STARD7: variants seen among roughly 807,000 people sequenced by gnomAD.
STARD7 encodes the protein StAR related lipid transfer domain containing 7.
A neutral mutation model predicts 45.3 loss-of-function variants in STARD7; 30 were observed. The observed-to-expected ratio is 0.66, with a 90% CI of 0.50 to 0.90. The LOEUF is 0.90. Ranked by LOEUF, STARD7 falls within the 40% of genes least tolerant of loss-of-function variation. The probability of loss-of-function intolerance (pLI) is 0.00; values close to 1 mark genes in which losing one functional copy is unlikely to be tolerated. For missense variants in STARD7, 495 were observed against 491.3 expected (o/e 1.01, Z -0.07); for synonymous variants, 199 against 183.0 (o/e 1.09, Z -0.70).
rs1428057165 is a variant in STARD7, at chr2:96,185,196, C to A, written c.*1534G>T. The A allele has an allele frequency of 6.6e-6, 1 of 152,622 alleles. No homozygotes were observed. The highest frequency in any genetic ancestry group is 1.5e-5 in the Non-Finnish European group (1 of 68,034). 9.5% of individuals were successfully genotyped at this position (152,622 alleles called of 1,614,324 possible). On this transcript the variant is annotated 3_prime_UTR_variant, in exon 8 of 8. Coordinates refer to ENST00000337288, the MANE Select transcript of STARD7 (RefSeq NM_020151.4). ...GAAAGAAGAAGTAATAAATGAAAAG[C>A]AGCTGGGACTGCTCGATGCATCTCT...
At chr2:96,208,067 C>T (rs1023117911) in intron 1 of STARD7, 78 bp downstream of exon 1, 44 of 1,382,332 alleles carry the variant, frequency 3.2e-5, no homozygotes, top group Non-Finnish European at 2.0e-5. Flanking sequence ...AAACAAGGGC[C>T]AACGACCACA....
Position 96,208,237 on chromosome 2 carries a change from G to T in STARD7, c.198C>A (p.His66Gln), listed in dbSNP as rs778095890. The T allele has an allele frequency of 6.2e-7, 1 of 1,612,204 alleles. No individual in the cohort carries two copies. The highest frequency in any genetic ancestry group is 1.3e-5 in the African/African-American group (1 of 74,896). ...AGGCAGAGGCATGGCCAGGACGGCC[G>T]TGCAGCCGGCGCCAGAGGCGGCCGA... ...VLLGRLWRRL[H>Q]GRPGHASALM... Residue 66 changes from histidine to glutamine, a missense_variant, in exon 1 of 8, where the codon CAC (histidine) becomes CAA (glutamine). Physicochemically the swap from His to Gln is conservative, Grantham distance 24. Around this residue, in one of 2 missense-constraint regions of STARD7, gnomAD observed 282 missense variants for 220.1 expected, o/e 1.28. Coordinates refer to ENST00000337288, the MANE Select transcript of STARD7 (RefSeq NM_020151.4).
chr2:96,186,676 T>A lies in STARD7; in HGVS notation c.*54A>T. 1 of 1,417,724 alleles carries A rather than the reference T, an allele frequency of 7.1e-7. No individual in the cohort carries two copies. 87.8% of individuals were successfully genotyped at this position (1,417,724 alleles called of 1,614,324 possible). On this transcript the variant is annotated 3_prime_UTR_variant, in exon 8 of 8. Transcript: ENST00000337288. ...ATGTCCCCCTTCTACAGCAGAGTGA[T>A]AACGGACTGAGACAGGGCTAGAAGC... is the stretch of plus-strand genomic sequence containing the variant.
In STARD7 at chr2:96,187,273, C is replaced by T; in HGVS notation, c.872G>A (p.Ser291Asn). The T allele has an allele frequency of 1.2e-6, 2 of 1,613,802 alleles. No homozygotes were observed. The highest frequency in any genetic ancestry group is 1.7e-6 in the Non-Finnish European group (2 of 1,179,748). ...AGGAAACACCGTTTGGGGATTGTCA[C>T]TGTATGTTAGTAAGTAGTCAAAGCC... ...ENGFDYLLTY[S>N]DNPQTVFPRY... The change falls in exon 7 of 8, where the codon AGT becomes AAT. Residue 291 changes from serine (S) to asparagine (N), a missense_variant. By Grantham distance (46) the Ser-to-Asn change is conservative. Around this residue, in one of 2 missense-constraint regions of STARD7, gnomAD observed 213 missense variants for 271.2 expected, o/e 0.79. Transcript: ENST00000337288.
rs1485910267 is a variant in STARD7 at position 96,208,248 on chromosome 2, G to A, written c.187C>T (p.Arg63Cys). The A allele has an allele frequency of 6.8e-6, 11 of 1,612,006 alleles. No individual in the cohort carries two copies. The highest frequency in any genetic ancestry group is 9.3e-6 in the Non-Finnish European group (11 of 1,179,524). Residue 63 changes from arginine (R) to cysteine (C), a missense_variant, in exon 1 of 8, where the codon CGC (arginine) becomes TGC (cysteine). By Grantham distance (180) the Arg-to-Cys change is radical. This residue lies in a region of STARD7 where 282 missense variants were observed against 220.1 expected (regional missense o/e 1.28). Transcript: ENST00000337288. ...SRRVLLGRLW[R>C]RLHGRPGHAS... The stretch of plus-strand genomic sequence containing the variant: ...TGGCCAGGACGGCCGTGCAGCCGGC[G>A]CCAGAGGCGGCCGAGGAGAACGCGG...
At chr2:96,197,665 T>A (rs1230472882) in intron 1 of STARD7, among the ~76,000 whole-genome samples, 1 of 152,190 alleles carries the variant, frequency 6.6e-6, no homozygotes, top group Non-Finnish European at 1.5e-5. Flanking sequence ...TGTGCAACCA[T>A]CACCCCTAAT....
chr2:96,207,028 G>GTTGT (rs1324419050), intron 1 of STARD7, among the ~76,000 whole-genome samples: 1 of 152,096 alleles, frequency 6.6e-6, no homozygotes, highest in African/African-American at 2.4e-5. Flanking sequence ...TGTGAATAAG[G>GTTGT]TTGTTTGTGG....
intron 1 of STARD7, among the ~76,000 whole-genome samples, chr2:96,197,530 T>C (rs1363252853): frequency 6.6e-5 from 10 of 152,262 alleles, no homozygotes; most frequent in Admixed American, 3.9e-4. Flanking sequence ...CGTTTTTTAT[T>C]GGGTTGTCTT....
At position 96,195,375 on chromosome 2, in the gene STARD7, G is replaced by T; in HGVS notation, c.465C>A (p.Arg155=). 1 of 1,589,662 alleles carries T rather than the reference G, an allele frequency of 6.3e-7. No individual in the cohort carries two copies. Among genetic ancestry groups the T allele is most frequent in the Non-Finnish European group, 8.6e-7 (1 of 1,167,792 alleles). Residue 155 remains arginine, a synonymous_variant, in exon 2 of 8, where the codon CGC becomes CGA. Coordinates refer to ENST00000337288, the MANE Select transcript of STARD7 (RefSeq NM_020151.4). ...GGTAAAGGTGGGTGCCTGTAATTGG[G>T]CGCCGCCACAGCTTAAAGTGTTTCT... The part of the protein sequence containing the change: ...MDKKHFKLWR[R]PITGTHLYQY...
chr2:96,205,062 AC>A (rs1164220710), intron 1 of STARD7, among the ~76,000 whole-genome samples: 1 of 152,158 alleles, frequency 6.6e-6, no homozygotes, highest in East Asian at 1.9e-4. Context: ...AAACATGACT[AC>A]TGTATTTTTC....
rs754438137 is a variant in STARD7 at position 96,208,368 on chromosome 2, G to A, written c.67C>T (p.Leu23=). The A allele has an allele frequency of 5.8e-6, 9 of 1,545,158 alleles. No individual in the cohort carries two copies. The Admixed American group carries it at 9.6e-5, about 17-fold the overall frequency. ...GTRGGGLLAL[L]ANQCRFVTGL... is the part of the protein sequence containing the mutation. ...GTGACGAAGCGGCACTGATTGGCCAGAAGCGCCAGCAGGCCCCCGCCCCGC... is the reference window on the plus strand; with the variant it reads ...GTGACGAAGCGGCACTGATTGGCCAAAAGCGCCAGCAGGCCCCCGCCCCGC... The change falls in exon 1 of 8, where the codon CTG becomes TTG. Residue 23 remains leucine (L), a synonymous_variant. Coordinates refer to ENST00000337288, the MANE Select transcript of STARD7 (RefSeq NM_020151.4).
Position 96,195,468 on chromosome 2 carries a change from T to C in STARD7, c.372A>G (p.Pro124=), listed in dbSNP as rs766726644. ...SSGVQHHPPE[P]KAQTEGNEDS... is the part of the protein sequence containing the mutation. ...CTTCATTCCCTTCTGTTTGGGCTTT[T>C]GGTTCTGGAGGGTGGTGCTGGACTC... The change falls in exon 2 of 8, where the codon CCA becomes CCG. Residue 124 remains proline, a synonymous_variant. Transcript: ENST00000337288. The C allele has an allele frequency of 6.2e-7, 1 of 1,613,844 alleles. No individual in the cohort carries two copies. The highest frequency in any genetic ancestry group is 1.3e-5 in the African/African-American group (1 of 75,050).
At chr2:96,190,612 A>T (rs1274394377) in intron 6 of STARD7, among the ~76,000 whole-genome samples, 3 of 152,002 alleles carry the variant, frequency 2.0e-5, no homozygotes, top group Non-Finnish European at 2.9e-5. Context: ...TGCTGGGATT[A>T]CAGGCGTGAG....
chr2:96,194,752 T>C (rs1277524282), intron 3 of STARD7, among the ~76,000 whole-genome samples: 1 of 152,192 alleles, frequency 6.6e-6, no homozygotes, highest in Non-Finnish European at 1.5e-5. Flanking sequence ...AACAGTCCTG[T>C]GGGAGGGTAA....
chr2:96,208,787 C>T lies in STARD7; in HGVS notation c.-353G>A. The T allele has an allele frequency of 2.5e-6, 1 of 403,758 alleles. No individual in the cohort carries two copies. Among genetic ancestry groups the T allele is most frequent in the Non-Finnish European group, 4.4e-6 (1 of 227,732 alleles). 25.0% of individuals were successfully genotyped at this position (403,758 alleles called of 1,614,324 possible). A position where few individuals can be genotyped will look rare whatever the true frequency, so the allele number is the denominator to read the frequency against. ...ACAGAAACGAGACAGACAGCTCAGG[C>T]CCAGCAGCACGCAAGCTCCCGCGCC... On this transcript the variant is annotated 5_prime_UTR_variant, in exon 1 of 8. Coordinates refer to ENST00000337288, the MANE Select transcript of STARD7 (RefSeq NM_020151.4).
At chr2:96,197,071 TAA>T (rs1304158961) in intron 1 of STARD7, among the ~76,000 whole-genome samples, 13 of 94,692 alleles carry the variant, frequency 1.4e-4, no homozygotes, top group Non-Finnish European at 2.0e-4. Context: ...CGTCTCAAAA[TAA>T]AATAAAATAA....
chr2:96,201,409 T>TAAAAAAAAAAAAAAAAAAAAAAAAA (rs60808208), intron 1 of STARD7, among the ~76,000 whole-genome samples: 2 of 109,618 alleles, frequency 1.8e-5, no homozygotes, highest in African/African-American at 7.2e-5. Context: ...ACTCCACCTC[T>TAAAAAAAAAAAAAAAAAAAAAAAAA]AAAAAAAAAA....
At chr2:96,202,851 A>C (rs940970186) in intron 1 of STARD7, among the ~76,000 whole-genome samples, 1 of 152,252 alleles carries the variant, frequency 6.6e-6, no homozygotes, top group African/African-American at 2.4e-5. Context: ...TAGTTAATAA[A>C]GTTTTAAGAA....
chr2:96,205,730 T>C (rs1390825774), intron 1 of STARD7, among the ~76,000 whole-genome samples: 1 of 152,102 alleles, frequency 6.6e-6, no homozygotes, highest in Non-Finnish European at 1.5e-5. Flanking sequence ...TTTAATAAAA[T>C]ATAAACATGA....
Sources: gnomAD v4.1 joint callset for allele counts (sites outside exome capture counted in the v4.1 genomes callset) on GRCh38, gnomAD v4.1.1 for gene constraint, gnomAD v4.1.1 regional missense constraint, MANE v1.5 for transcripts, NCBI Gene and HGNC (gene_info 2026-07-23, HGNC 2026-07-21) for gene names.